The following PRIM2 variants were observed in gnomAD, a reference collection of about 807,000 sequenced individuals.
PRIM2 encodes DNA primase subunit 2.
A neutral mutation model predicts 67.3 loss-of-function variants in PRIM2; 39 were observed. The ratio of observed to expected loss-of-function variants is 0.58; its 90% CI spans 0.45 to 0.76. The LOEUF is 0.76. PRIM2 is among the 30% of genes least tolerant of loss of function. The pLI is 0.00. For synonymous variants in PRIM2, 143 were observed against 198.7 expected (o/e 0.72, Z 2.36); for missense variants, 398 against 598.7 (o/e 0.66, Z 3.50).
the PRIM2 span, among the ~76,000 whole-genome samples, chr6:57,234,712 A>T: frequency 0.12 from 18,625 of 151,790 alleles, 1,442 homozygotes; most frequent in African/African-American, 0.21. Flanking sequence ...TTTAGTAGAG[A>T]TGGGGTTTCA....
intron 7 of PRIM2, among the ~76,000 whole-genome samples, chr6:57,413,498 C>T (rs1771157940): frequency 1.3e-5 from 2 of 151,582 alleles, no homozygotes; most frequent in South Asian, 2.1e-4. Context: ...ATGTTTGCAC[C>T]AACCTGATAG....
chr6:57,240,437 C>T, the PRIM2 span, among the ~76,000 whole-genome samples: 4 of 152,218 alleles, frequency 2.6e-5, no homozygotes, highest in African/African-American at 9.6e-5. Flanking sequence ...ATTTCTGTCT[C>T]CCCAGTAGAC....
chr6:57,526,880 C>T (rs1200745296), intron 8 of PRIM2, among the ~76,000 whole-genome samples: 3 of 151,984 alleles, frequency 2.0e-5, no homozygotes, highest in African/African-American at 2.4e-5. Context: ...CTCATAAAAT[C>T]GATCATTTTC....
Position 57,320,533 on chromosome 6 carries a change from G to A in PRIM2, c.231G>A (p.Glu77=), listed in dbSNP as rs1442307876. The A allele has an allele frequency of 1.9e-6, 3 of 1,607,684 alleles. No individual in the cohort carries two copies. The highest frequency in any genetic ancestry group is 2.5e-6 in the Non-Finnish European group (3 of 1,178,246). Residue 77 remains glutamate, a synonymous_variant, in exon 3 of 14, where the codon GAG becomes GAA. Coordinates refer to ENST00000615550, the MANE Select transcript of PRIM2 (RefSeq NM_000947.5). ...TEQYQSKLES[E]LRKLKFSYRE... ...AATACCAGAGTAAGTTGGAGAGTGAGCTTCGGAAGCTCAAGTTTTCCTACA... is the reference window on the plus strand; with the variant it reads ...AATACCAGAGTAAGTTGGAGAGTGAACTTCGGAAGCTCAAGTTTTCCTACA...
chr6:57,255,047 C>A, the PRIM2 span, among the ~76,000 whole-genome samples: 121,829 of 152,018 alleles, frequency 0.8, 49,572 homozygotes, highest in East Asian at 0.97. Flanking sequence ...GTTCGTCTGC[C>A]TCTCATTATT....
intron 5 of PRIM2, among the ~76,000 whole-genome samples, chr6:57,376,338 T>G (rs1769764537): frequency 6.6e-6 from 1 of 152,180 alleles, no homozygotes; most frequent in East Asian, 1.9e-4. Context: ...ACCATTCTAA[T>G]TGTCATGTAG....
chr6:57,395,020 A>G (rs1294588750), intron 7 of PRIM2, among the ~76,000 whole-genome samples: 1 of 152,166 alleles, frequency 6.6e-6, no homozygotes, highest in East Asian at 1.9e-4. Context: ...AACCCACTTG[A>G]TCATGGTGAT....
intron 10 of PRIM2, among the ~76,000 whole-genome samples, chr6:57,563,179 T>C (rs1752677309): frequency 1.3e-5 from 2 of 152,130 alleles, no homozygotes; most frequent in Non-Finnish European, 2.9e-5. Flanking sequence ...AATATCTGAT[T>C]TTGGGAATAG....
intron 12 of PRIM2, among the ~76,000 whole-genome samples, chr6:57,613,524 C>T: frequency 6.6e-6 from 1 of 152,204 alleles, no homozygotes; most frequent in East Asian, 1.9e-4. Flanking sequence ...CCTTATCCCT[C>T]TGAGCTCCAA....
intron 7 of PRIM2, among the ~76,000 whole-genome samples, chr6:57,449,057 G>T (rs1369265633): frequency 2.0e-5 from 3 of 152,122 alleles, no homozygotes; most frequent in African/African-American, 7.2e-5. Context: ...AGGATTTTTA[G>T]CTTACAGCAC....
At chr6:57,376,200 ATGGGGGT>A (rs1769758039) in intron 5 of PRIM2, among the ~76,000 whole-genome samples, 1 of 152,118 alleles carries the variant, frequency 6.6e-6, no homozygotes, top group Admixed American at 6.5e-5. Flanking sequence ...CCTGTTAGAG[ATGGGGGT>A]CTCACTTAGT....
At chr6:57,555,482 G>A (rs1775496292) in intron 10 of PRIM2, among the ~76,000 whole-genome samples, 1 of 152,132 alleles carries the variant, frequency 6.6e-6, no homozygotes. Flanking sequence ...GTTTTACTAT[G>A]TTGGCCAGGC....
intron 10 of PRIM2, among the ~76,000 whole-genome samples, chr6:57,597,219 A>G (rs1417746912): frequency 6.6e-6 from 1 of 152,252 alleles, no homozygotes; most frequent in Non-Finnish European, 1.5e-5. Context: ...CTTTTGAGGA[A>G]GCAATGTCTT....
intron 7 of PRIM2, among the ~76,000 whole-genome samples, chr6:57,506,154 G>A (rs1432186182): frequency 2.3e-4 from 24 of 106,138 alleles, no homozygotes; most frequent in Admixed American, 8.5e-4. Flanking sequence ...TATTTTTCAG[G>A]GATACTGAAA....
At chr6:57,593,549 C>G (rs1291019664) in intron 10 of PRIM2, among the ~76,000 whole-genome samples, 2 of 152,176 alleles carry the variant, frequency 1.3e-5, no homozygotes, top group African/African-American at 4.8e-5. Context: ...GTGATCCATC[C>G]GCCTCGGCCT....
At chr6:57,610,377 A>G (rs1472864660) in intron 12 of PRIM2, among the ~76,000 whole-genome samples, 25 of 152,296 alleles carry the variant, frequency 1.6e-4, no homozygotes, top group Middle Eastern at 3.4e-3. Context: ...CAAGAAATAG[A>G]TATTTTAAGT....
chr6:57,633,206 T>C (rs1194395818), intron 13 of PRIM2, among the ~76,000 whole-genome samples: 2 of 152,234 alleles, frequency 1.3e-5, no homozygotes, highest in Non-Finnish European at 2.9e-5. Flanking sequence ...TTCAGTCCTC[T>C]GGCCCCTAGT....
At chr6:57,447,634 A>T (rs1772409386) in intron 7 of PRIM2, among the ~76,000 whole-genome samples, 1 of 152,228 alleles carries the variant, frequency 6.6e-6, no homozygotes, top group Non-Finnish European at 1.5e-5. Flanking sequence ...TGACTAGGGT[A>T]AGATACCGTA....
At chr6:57,278,864 G>T in the PRIM2 span, among the ~76,000 whole-genome samples, 4 of 152,176 alleles carry the variant, frequency 2.6e-5, no homozygotes, top group Admixed American at 2.6e-4. Flanking sequence ...TATAGACTAG[G>T]AGATCTTCCC....
Sources: gnomAD v4.1 joint callset for allele counts (sites outside exome capture counted in the v4.1 genomes callset) on GRCh38, gnomAD v4.1.1 for gene constraint, MANE v1.5 for transcripts, NCBI Gene and HGNC (gene_info 2026-07-23, HGNC 2026-07-21) for gene names.